PEX14: variants seen among roughly 807,000 people sequenced by gnomAD.
PEX14 encodes the protein peroxisomal membrane protein PEX14.
Under a neutral mutation model 49.5 loss-of-function variants are expected in PEX14, and 15 were observed. The ratio of observed to expected loss-of-function variants is 0.30; its 90% CI spans 0.20 to 0.47. The LOEUF (loss-of-function observed/expected upper bound fraction) is 0.47. PEX14 is among the 20% of genes least tolerant of loss of function. The pLI, the probability that PEX14 is intolerant of heterozygous loss-of-function variation, is 1.00. For synonymous variants in PEX14, 210 were observed against 212.7 expected (o/e 0.99, Z 0.11); for missense variants, 398 against 494.8 (o/e 0.80, Z 1.86).
At chr1:10,590,821 A>G (rs923613009) in intron 3 of PEX14, among the ~76,000 whole-genome samples, 12 of 152,238 alleles carry the variant, frequency 7.9e-5, no homozygotes, top group African/African-American at 2.9e-4. Flanking sequence ...AGGACTTGCA[A>G]GAACATCTGA....
At chr1:10,536,459 G>T in intron 3 of PEX14, 162 bp downstream of exon 3, 3 of 661,582 alleles carry the variant, frequency 4.5e-6, no homozygotes, top group East Asian at 2.7e-5. Context: ...GGGCATGCAG[G>T]TTTCTTTCCT....
At chr1:10,485,740 TAA>T (rs1042390665) in intron 1 of PEX14, among the ~76,000 whole-genome samples, 7 of 151,242 alleles carry the variant, frequency 4.6e-5, no homozygotes, top group Admixed American at 1.3e-4. Flanking sequence ...GCAACCTTGT[TAA>T]CTTATAATTC....
intron 1 of PEX14, among the ~76,000 whole-genome samples, chr1:10,478,921 T>A (rs1198812790): frequency 5.9e-5 from 9 of 151,762 alleles, no homozygotes; most frequent in African/African-American, 1.2e-4. Flanking sequence ...ATTTTTTTTT[T>A]ATTTCATTTT....
intron 1 of PEX14, among the ~76,000 whole-genome samples, chr1:10,485,795 A>G (rs1641357431): frequency 6.8e-6 from 1 of 146,322 alleles, no homozygotes. Flanking sequence ...ATGCTGTGTC[A>G]CCCAGGCTGG....
chr1:10,540,533 T>C (rs1638970357), intron 3 of PEX14, among the ~76,000 whole-genome samples: 1 of 143,900 alleles, frequency 6.9e-6, no homozygotes, highest in Non-Finnish European at 1.6e-5. Flanking sequence ...GGTTATCGAC[T>C]GGACAGCTCC....
At chr1:10,513,952 G>A (rs1179882372) in intron 2 of PEX14, among the ~76,000 whole-genome samples, 1 of 152,168 alleles carries the variant, frequency 6.6e-6, no homozygotes, top group African/African-American at 2.4e-5. Flanking sequence ...TGCTGTGAGT[G>A]TTATTTGTTT....
chr1:10,630,037 G>A lies in PEX14; in HGVS notation c.*50G>A, dbSNP rs1237406384. 6.3e-7 allele frequency: 1 copy of A among 1,597,328 alleles called. No individual in the cohort carries two copies. The highest frequency in any genetic ancestry group is 8.5e-7 in the Non-Finnish European group (1 of 1,177,918). Reference sequence around the variant, plus strand: ...TGAGGATGGCATCTAGTGTGCCCGTGCGTGGCCATACCCTGCCTCCCTCTC... The same window carrying A: ...TGAGGATGGCATCTAGTGTGCCCGTACGTGGCCATACCCTGCCTCCCTCTC... On this transcript the variant is annotated 3_prime_UTR_variant, in exon 9 of 9. Transcript: ENST00000356607. This position sits in a 1 kb window ranked among gnomAD's most constrained non-coding sequence, Gnocchi z 4.1.
At chr1:10,604,113 GTTGCTCCCGTCTGGT>G (rs1205573386) in intron 4 of PEX14, among the ~76,000 whole-genome samples, 1 of 152,186 alleles carries the variant, frequency 6.6e-6, no homozygotes, top group Non-Finnish European at 1.5e-5. Flanking sequence ...GCTCTCTCTG[GTTGCTCCCGTCTGGT>G]AGGAAAGACG....
At chr1:10,506,713 G>A (rs1349910031) in intron 2 of PEX14, among the ~76,000 whole-genome samples, 1 of 152,236 alleles carries the variant, frequency 6.6e-6, no homozygotes, top group Non-Finnish European at 1.5e-5. Context: ...ATTAGAGGAA[G>A]ATCATAAACA....
intron 2 of PEX14, among the ~76,000 whole-genome samples, chr1:10,526,473 C>A (rs1244598904): frequency 6.6e-6 from 1 of 152,138 alleles, no homozygotes; most frequent in Non-Finnish European, 1.5e-5. Context: ...CCCACCTTGG[C>A]CTCCCAAAGT....
rs1292422903 is a variant in PEX14 at position 10,512,034 on chromosome 1, A to G, written c.84+16713A>G. 6.6e-6 allele frequency among the ~76,000 whole-genome samples: 1 copy of G among 152,130 alleles called. No individual in the cohort carries two copies. Among genetic ancestry groups the G allele is most frequent in the Non-Finnish European group, 1.5e-5 (1 of 68,018 alleles). ...GAGTGCAGTGGCATAATCTTGGCTC[A>G]CTGCACGCTCCGCCTCCCGGGTTTA... On this transcript the variant is annotated intron_variant, in intron 2 of 8. Transcript: ENST00000356607. The surrounding 1 kb of genome is among the most constrained non-coding windows in gnomAD (Gnocchi z 4.6).
intron 1 of PEX14, among the ~76,000 whole-genome samples, chr1:10,487,329 GTT>G (rs58538498): frequency 7.2e-6 from 1 of 138,534 alleles, no homozygotes; most frequent in Non-Finnish European, 1.6e-5. Flanking sequence ...GAGTTTGGCA[GTT>G]TTTTTTTTTT....
chr1:10,595,899 C>T (rs1170765166), intron 3 of PEX14, among the ~76,000 whole-genome samples: 4 of 152,232 alleles, frequency 2.6e-5, no homozygotes, highest in Non-Finnish European at 5.9e-5. Context: ...CCTCAGCTTT[C>T]AGAGCCAAAT....
chr1:10,480,398 T>TTC (rs1161641856), intron 1 of PEX14, among the ~76,000 whole-genome samples: 1 of 144,252 alleles, frequency 6.9e-6, no homozygotes, highest in Non-Finnish European at 1.5e-5. Context: ...TTTTTTTTTT[T>TTC]TTTTTTTTTT....
Position 10,597,442 on chromosome 1 carries a change from G to C in PEX14, c.170-1796G>C, listed in dbSNP as rs1304337195. On this transcript the variant is annotated intron_variant, in intron 3 of 8. Transcript: ENST00000356607. The surrounding 1 kb of genome is among the most constrained non-coding windows in gnomAD (Gnocchi z 5.7). The stretch of plus-strand genomic sequence containing the variant: ...GGAACCTGAGAGGCACAAACTCAGG[G>C]CGGGGGTATTCTCTGTTGTTGCCTG... 1.3e-5 allele frequency among the ~76,000 whole-genome samples: 2 copies of C among 152,168 alleles called. No homozygotes were observed.
In PEX14 at chr1:10,510,874, A is replaced by T. The variant is rs145572083; in HGVS notation, c.84+15553A>T. 9.2e-3 allele frequency among the ~76,000 whole-genome samples: 1,400 copies of T among 152,354 alleles called. 15 individuals carry two copies. The highest frequency in any genetic ancestry group is 0.013 in the Non-Finnish European group (867 of 68,026). On this transcript the variant is annotated intron_variant, in intron 2 of 8. Coordinates refer to ENST00000356607, the MANE Select transcript of PEX14 (RefSeq NM_004565.3). Reference sequence around the variant, plus strand: ...AGTGGATGACTGCTACGCAAGCAACATAAAGAGGCCATTTTATGAAAGGGA... The same window carrying T: ...AGTGGATGACTGCTACGCAAGCAACTTAAAGAGGCCATTTTATGAAAGGGA...
Position 10,623,432 on chromosome 1 carries a change from AGGTTTTCAGGGG to A in PEX14, c.487+321_487+332del, listed in dbSNP as rs1641652175. The A allele has an allele frequency of 5.4e-6, 2 of 371,032 alleles. No homozygotes were observed. The highest frequency in any genetic ancestry group is 1.0e-5 in the Non-Finnish European group (2 of 191,752). The allele number at this position is 371,032 out of a possible 1,614,324, so 23.0% of individuals were successfully genotyped here. On this transcript the variant is annotated intron_variant, in intron 6 of 8. Coordinates refer to ENST00000356607, the MANE Select transcript of PEX14 (RefSeq NM_004565.3). The surrounding 1 kb of genome is among the most constrained non-coding windows in gnomAD (Gnocchi z 4.4). Reference sequence around the variant, plus strand: ...TTCATTTTTAATTTCTGCTTCTATGAGGTTTTCAGGGGGGTTTTCAGTGATTTTCCCCCTTCC... The same window carrying A: ...TTCATTTTTAATTTCTGCTTCTATGAGGTTTTCAGTGATTTTCCCCCTTCC...
At chr1:10,553,086 A>G (rs1014353431) in intron 3 of PEX14, among the ~76,000 whole-genome samples, 2 of 152,200 alleles carry the variant, frequency 1.3e-5, no homozygotes, top group African/African-American at 4.8e-5. Context: ...TGGAATAATA[A>G]GTTTCATGCT....
Position 10,628,329 on chromosome 1 carries a change from G to A in PEX14, c.677+966G>A, listed in dbSNP as rs1452874021. Among the ~76,000 whole-genome samples the A allele has an allele frequency of 1.3e-5, 2 of 152,264 alleles. No homozygotes were observed. Among genetic ancestry groups the A allele is most frequent in the Non-Finnish European group, 2.9e-5 (2 of 68,056 alleles). ...CATCCTCCTGGGCTGATGCCCTAGT[G>A]GGCCTTGCATGGGGTGTCCTTGTTT... On this transcript the variant is annotated intron_variant, in intron 8 of 8. Transcript: ENST00000356607. This position sits in a 1 kb window ranked among gnomAD's most constrained non-coding sequence, Gnocchi z 4.5.
Sources: allele counts gnomAD v4.1 joint callset (sites outside exome capture counted in the v4.1 genomes callset), GRCh38; gene constraint gnomAD v4.1.1; non-coding constraint Gnocchi (gnomAD v3.1); transcripts MANE v1.5; gene names NCBI Gene and HGNC (gene_info 2026-07-23, HGNC 2026-07-21).